The following CTNNBL1 variants were observed in gnomAD, a reference collection of about 807,000 sequenced individuals.
The protein encoded by CTNNBL1 is catenin beta like 1.
Under a neutral mutation model 72.7 loss-of-function variants are expected in CTNNBL1, and 31 were observed. The ratio of observed to expected loss-of-function variants is 0.43; its 90% CI spans 0.32 to 0.58. CTNNBL1 has a LOEUF of 0.58. Among genes scored for constraint, CTNNBL1 ranks in the 20% least tolerant of loss-of-function variants. The pLI is 0.08. For missense variants in CTNNBL1, 534 were observed against 725.1 expected (o/e 0.74, Z 3.03); for synonymous variants, 240 against 267.3 (o/e 0.90, Z 1.00).
intron 11 of CTNNBL1, among the ~76,000 whole-genome samples, chr20:37,804,558 T>G (rs2071936023): frequency 6.6e-6 from 1 of 152,206 alleles, no homozygotes; most frequent in Non-Finnish European, 1.5e-5. Flanking sequence ...ACTAGTGAAC[T>G]AGAAGCTCTG....
In CTNNBL1 at chr20:37,777,754, G is replaced by A. The variant is rs6020852; in HGVS notation, c.882+42G>A. 1,266 of 1,594,448 alleles carry A rather than the reference G, an allele frequency of 7.9e-4. 12 individuals are homozygous for A. In the African/African-American group the frequency reaches 0.011, roughly 14 times the overall value. ...CTTCCTGTCTGCTGTAAGATACATG[G>A]TCTGCTTTGAATGGGAGGTGGAGCT... is the stretch of plus-strand genomic sequence containing the variant. On this transcript the variant is annotated intron_variant, in intron 9 of 15. Transcript: ENST00000361383.
chr20:37,696,435 C>CTTTTTTT (rs57358123), intron 1 of CTNNBL1, among the ~76,000 whole-genome samples: 42 of 89,604 alleles, frequency 4.7e-4, no homozygotes, highest in Admixed American at 8.8e-4. Context: ...TGTACAATAT[C>CTTTTTTT]TTTTTTTTTT....
chr20:37,806,193 G>T (rs1207596999), intron 11 of CTNNBL1, among the ~76,000 whole-genome samples: 1 of 152,128 alleles, frequency 6.6e-6, no homozygotes, highest in African/African-American at 2.4e-5. Flanking sequence ...GCTGTACACT[G>T]ACCTTCCCTA....
At chr20:37,696,614 T>A (rs2072794837) in intron 1 of CTNNBL1, among the ~76,000 whole-genome samples, 1 of 151,410 alleles carries the variant, frequency 6.6e-6, no homozygotes, top group Non-Finnish European at 1.5e-5. Context: ...TGGCTAATTT[T>A]TGTATTTTTA....
intron 5 of CTNNBL1, among the ~76,000 whole-genome samples, chr20:37,758,945 A>G (rs2073390392): frequency 6.6e-6 from 1 of 151,800 alleles, no homozygotes; most frequent in Admixed American, 6.6e-5. Flanking sequence ...CCTTTCTCAT[A>G]ATGTTCTCGA....
intron 15 of CTNNBL1, among the ~76,000 whole-genome samples, chr20:37,866,097 G>T (rs2072534663): frequency 1.3e-5 from 2 of 152,240 alleles, no homozygotes; most frequent in South Asian, 4.1e-4. Context: ...GTCCCACAGG[G>T]TATTTGGAGG....
At chr20:37,871,828 CTG>C in intron 15 of CTNNBL1, 95 bp from the exon 16 acceptor site, 2 of 1,086,400 alleles carry the variant, frequency 1.8e-6, no homozygotes, top group African/African-American at 3.1e-5. Context: ...ACTTGCACCT[CTG>C]TGGGAGCTGG....
chr20:37,849,828 A>C (rs948344822), intron 13 of CTNNBL1, among the ~76,000 whole-genome samples: 7 of 152,244 alleles, frequency 4.6e-5, no homozygotes, highest in Admixed American at 2.0e-4. Flanking sequence ...GATTACAATC[A>C]AGTTACTTAA....
At chr20:37,838,846 C>T (rs996280111) in intron 11 of CTNNBL1, among the ~76,000 whole-genome samples, 16 of 152,236 alleles carry the variant, frequency 1.1e-4, no homozygotes, top group Admixed American at 6.5e-4. Flanking sequence ...CTGATCGTGC[C>T]GCTGCACTCC....
At chr20:37,783,392 C>T (rs568183234) in intron 10 of CTNNBL1, among the ~76,000 whole-genome samples, 19 of 151,866 alleles carry the variant, frequency 1.3e-4, no homozygotes, top group Admixed American at 9.2e-4. Flanking sequence ...TATTTCTCTT[C>T]GTCTACTAAT....
At chr20:37,744,593 C>T (rs957127193) in intron 3 of CTNNBL1, 2 of 152,142 alleles carry the variant, frequency 1.3e-5, no homozygotes, top group Admixed American at 1.3e-4. Flanking sequence ...ATAGTCTCTT[C>T]TTGGAACACT....
At chr20:37,736,876 G>A (rs568897768) in intron 2 of CTNNBL1, among the ~76,000 whole-genome samples, 1 of 152,188 alleles carries the variant, frequency 6.6e-6, no homozygotes, top group Non-Finnish European at 1.5e-5. Flanking sequence ...TGATATACCC[G>A]AAAAGAAGCA....
intron 10 of CTNNBL1, among the ~76,000 whole-genome samples, chr20:37,790,856 T>C (rs189599414): frequency 1.3e-5 from 2 of 152,376 alleles, no homozygotes; most frequent in Non-Finnish European, 1.5e-5. Flanking sequence ...ACTGCAAGCA[T>C]GACAGTGAAC....
chr20:37,817,324 A>G (rs1461001408), intron 11 of CTNNBL1, among the ~76,000 whole-genome samples: 1 of 152,250 alleles, frequency 6.6e-6, no homozygotes, highest in Middle Eastern at 3.2e-3. Flanking sequence ...GGAAACCTCT[A>G]TGACCAGGAT....
chr20:37,717,615 CT>C (rs1015141895), intron 1 of CTNNBL1, among the ~76,000 whole-genome samples: 11 of 148,096 alleles, frequency 7.4e-5, no homozygotes, highest in Non-Finnish European at 4.5e-5. Flanking sequence ...TTTTTCTTTT[CT>C]TTTTTTTTTT....
chr20:37,794,486 G>GTTTTTGC (rs1353721290), intron 10 of CTNNBL1, among the ~76,000 whole-genome samples: 1 of 151,422 alleles, frequency 6.6e-6, no homozygotes, highest in African/African-American at 2.4e-5. Flanking sequence ...CTGGCTATTT[G>GTTTTTGC]TTTTTGCTTT....
intron 13 of CTNNBL1, among the ~76,000 whole-genome samples, chr20:37,850,822 G>C (rs1449591726): frequency 6.6e-6 from 1 of 152,176 alleles, no homozygotes; most frequent in African/African-American, 2.4e-5. Context: ...TTCAGGTTTC[G>C]GCTCTGAGTC....
chr20:37,821,274 G>T (rs2072104875), intron 11 of CTNNBL1, among the ~76,000 whole-genome samples: 1 of 152,200 alleles, frequency 6.6e-6, no homozygotes, highest in Admixed American at 6.5e-5. Context: ...TACAGTGGTG[G>T]TTGGCTTGCT....
chr20:37,853,173 A>G (rs1440367363), intron 13 of CTNNBL1, among the ~76,000 whole-genome samples: 2 of 152,138 alleles, frequency 1.3e-5, no homozygotes, highest in East Asian at 3.9e-4. Context: ...TGATCTCCAC[A>G]CGGGCCAGCT....
Sources: gnomAD v4.1 joint callset for allele counts (sites outside exome capture counted in the v4.1 genomes callset) on GRCh38, gnomAD v4.1.1 for gene constraint, MANE v1.5 for transcripts, NCBI Gene and HGNC (gene_info 2026-07-23, HGNC 2026-07-21) for gene names.